Variants in HECW2 observed in about 807,000 individuals in gnomAD.
The protein encoded by HECW2 is HECT, C2 and WW domain containing E3 ubiquitin protein ligase 2.
HECW2 carries 61 observed loss-of-function variants against 175.2 expected under a neutral mutation model. The observed-to-expected ratio is 0.35, with a 90% confidence interval of 0.28 to 0.43. The LOEUF (loss-of-function observed/expected upper bound fraction) is 0.43, where lower values mean the gene tolerates loss of function less well. Ranked by LOEUF, HECW2 falls within the 20% of genes least tolerant of loss-of-function variation. The pLI, the probability that HECW2 is intolerant of heterozygous loss-of-function variation, is 1.00. For synonymous variants in HECW2, 671 were observed against 731.0 expected, an observed-to-expected ratio of 0.92 and a Z score of 1.32; for missense variants, 1,524 against 2,000.5, an observed-to-expected ratio of 0.76 and a Z score of 4.54.
At chr2:196,332,298 C>T (rs1692393153) in intron 4 of HECW2, among the ~76,000 whole-genome samples, 2 of 152,182 alleles carry the variant, frequency 1.3e-5, no homozygotes, top group Admixed American at 6.5e-5. Flanking sequence ...TAACTAAACA[C>T]ATGTCATATA....
intron 2 of HECW2, among the ~76,000 whole-genome samples, chr2:196,350,037 G>A (rs995071913): frequency 1.1e-4 from 16 of 152,098 alleles, no homozygotes; most frequent in African/African-American, 3.9e-4. Flanking sequence ...CAACTTCATG[G>A]CTCACAATGA....
At chr2:196,222,005 C>T (rs988284668) in intron 24 of HECW2, among the ~76,000 whole-genome samples, 1 of 152,218 alleles carries the variant, frequency 6.6e-6, no homozygotes, top group African/African-American at 2.4e-5. Flanking sequence ...TTATCACCAT[C>T]TGTAATTTAC....
chr2:196,450,579 C>T (rs971846456), intron 1 of HECW2, among the ~76,000 whole-genome samples: 5 of 150,974 alleles, frequency 3.3e-5, no homozygotes, highest in Non-Finnish European at 5.9e-5. Flanking sequence ...GCAACCTCTG[C>T]CTCCCGGGTT....
chr2:196,480,646 G>A (rs1269388957), intron 1 of HECW2, among the ~76,000 whole-genome samples: 1 of 152,222 alleles, frequency 6.6e-6, no homozygotes, highest in Non-Finnish European at 1.5e-5. Context: ...TCCACTGCAG[G>A]ACACAGAGCT....
intron 1 of HECW2, among the ~76,000 whole-genome samples, chr2:196,518,642 G>A (rs1051109828): frequency 2.7e-4 from 34 of 125,096 alleles, no homozygotes; most frequent in African/African-American, 9.8e-4. Context: ...GCAACAGAGC[G>A]AGATTCTGTC....
At chr2:196,287,407 C>T (rs1201073379) in intron 14 of HECW2, among the ~76,000 whole-genome samples, 3 of 152,072 alleles carry the variant, frequency 2.0e-5, no homozygotes, top group Non-Finnish European at 2.9e-5. Flanking sequence ...TTATAAAGTT[C>T]AAAGTTTCTT....
intron 2 of HECW2, among the ~76,000 whole-genome samples, chr2:196,389,011 C>A (rs1694430164): frequency 1.3e-5 from 2 of 152,116 alleles, no homozygotes; most frequent in South Asian, 4.1e-4. Context: ...CCTTTATAGG[C>A]AACAGAAAAG....
Position 196,197,073 on chromosome 2 carries a change from T to G in HECW2, c.*4204A>C, listed in dbSNP as rs1288139533. 1 of 152,184 alleles carries G rather than the reference T, an allele frequency of 6.6e-6. No homozygotes were observed. Among genetic ancestry groups the G allele is most frequent in the African/African-American group, 2.4e-5 (1 of 41,438 alleles). 9.4% of individuals were successfully genotyped at this position (152,184 alleles called of 1,614,324 possible). ...TCCAGCCTGGATGACAGAGCCAGAC[T>G]GTCTCAAACAAACAAACAAAGAAAG... On this transcript the variant is annotated 3_prime_UTR_variant, in exon 29 of 29. Coordinates refer to ENST00000644978, the MANE Select transcript of HECW2 (RefSeq NM_001348768.2).
chr2:196,320,214 A>T (rs1691889216), intron 8 of HECW2, 125 bp downstream of exon 8: 2 of 673,238 alleles, frequency 3.0e-6, no homozygotes, highest in Non-Finnish European at 5.1e-6. Context: ...TAATTATTTG[A>T]CAGCTATTTT....
At chr2:196,508,309 C>G (rs989415807) in intron 1 of HECW2, among the ~76,000 whole-genome samples, 22 of 152,184 alleles carry the variant, frequency 1.4e-4, no homozygotes, top group African/African-American at 5.3e-4. Context: ...ATCCATCAAT[C>G]TCTGGGTATG....
intron 1 of HECW2, among the ~76,000 whole-genome samples, chr2:196,455,098 A>C (rs938006216): frequency 2.0e-5 from 3 of 151,616 alleles, no homozygotes; most frequent in Non-Finnish European, 2.9e-5. Flanking sequence ...CAGTGGCACA[A>C]TCTCGGCTCA....
At chr2:196,372,082 C>A (rs886086617) in intron 2 of HECW2, among the ~76,000 whole-genome samples, 1 of 152,100 alleles carries the variant, frequency 6.6e-6, no homozygotes, top group African/African-American at 2.4e-5. Flanking sequence ...ATATCTGTAC[C>A]CTATCTGTGC....
intron 2 of HECW2, among the ~76,000 whole-genome samples, chr2:196,410,205 G>T (rs1336921970): frequency 6.6e-6 from 1 of 152,178 alleles, no homozygotes; most frequent in African/African-American, 2.4e-5. Flanking sequence ...GCAAAGATTT[G>T]TAAATATGAT....
chr2:196,521,462 T>G (rs1343477179), intron 1 of HECW2, among the ~76,000 whole-genome samples: 1 of 151,966 alleles, frequency 6.6e-6, no homozygotes, highest in Non-Finnish European at 1.5e-5. Flanking sequence ...TCATTTTATT[T>G]TATTTTATTT....
chr2:196,521,427 A>G (rs1270621803), intron 1 of HECW2, among the ~76,000 whole-genome samples: 3 of 151,928 alleles, frequency 2.0e-5, no homozygotes, highest in African/African-American at 7.2e-5. Flanking sequence ...TTATATATGA[A>G]TATTACAAAG....
At chr2:196,540,855 A>C (rs1689186965) in intron 1 of HECW2, among the ~76,000 whole-genome samples, 1 of 152,216 alleles carries the variant, frequency 6.6e-6, no homozygotes, top group Non-Finnish European at 1.5e-5. Flanking sequence ...CCATAGGATA[A>C]TCATACAAAG....
chr2:196,496,333 T>C (rs985508089), intron 1 of HECW2, among the ~76,000 whole-genome samples: 5 of 152,122 alleles, frequency 3.3e-5, no homozygotes, highest in Admixed American at 2.0e-4. Flanking sequence ...TTTCTGATAA[T>C]ATTTTCTTTT....
chr2:196,521,301 A>G (rs1343297292), intron 1 of HECW2, among the ~76,000 whole-genome samples: 3 of 150,036 alleles, frequency 2.0e-5, no homozygotes, highest in Non-Finnish European at 4.4e-5. Flanking sequence ...AAAAAAAAAA[A>G]AAAAAAGAAA....
chr2:196,292,470 A>C (rs1690637217), intron 14 of HECW2, 95 bp downstream of exon 14: 1 of 1,006,756 alleles, frequency 9.9e-7, no homozygotes, highest in Admixed American at 2.2e-5. Context: ...CCTCACAAAG[A>C]GCCTTGGCCC....
Sources: allele counts gnomAD v4.1 joint callset (sites outside exome capture counted in the v4.1 genomes callset), GRCh38; gene constraint gnomAD v4.1.1; transcripts MANE v1.5; gene names NCBI Gene and HGNC (gene_info 2026-07-23, HGNC 2026-07-21).